GPC5: variants seen among roughly 807,000 people sequenced by gnomAD.
GPC5 encodes the protein glypican 5, also known as glypican-5.
In GPC5, 47 loss-of-function variants were observed where a neutral mutation model predicts 53.9. The observed-to-expected ratio is 0.87, with a 90% CI of 0.69 to 1.11. The LOEUF is 1.11. Among genes scored for constraint, GPC5 ranks in the 50% most tolerant of loss-of-function variants. The probability of loss-of-function intolerance (pLI) is 0.00; values close to 1 mark genes in which losing one functional copy is unlikely to be tolerated. For synonymous variants in GPC5, 286 were observed against 263.3 expected, an observed-to-expected ratio of 1.09 and a Z score of -0.84; for missense variants, 748 against 713.1, an observed-to-expected ratio of 1.05 and a Z score of -0.56.
chr13:91,796,297 A>T (rs2038045479), intron 5 of GPC5, among the ~76,000 whole-genome samples: 1 of 152,174 alleles, frequency 6.6e-6, no homozygotes, highest in Admixed American at 6.5e-5. Context: ...GCCTTGCTGG[A>T]TCAGAAGTGC....
intron 2 of GPC5, among the ~76,000 whole-genome samples, chr13:91,558,875 G>A (rs2031102977): frequency 6.6e-6 from 1 of 152,012 alleles, no homozygotes; most frequent in Admixed American, 6.6e-5. Context: ...CCTTTATTGA[G>A]TGCTTTGCCT....
At chr13:92,319,396 T>G (rs1402951813) in intron 7 of GPC5, among the ~76,000 whole-genome samples, 1 of 132,934 alleles carries the variant, frequency 7.5e-6, no homozygotes, top group African/African-American at 3.0e-5. Context: ...CCCATGATAA[T>G]GCATCTCTGA....
chr13:92,379,521 C>T (rs1238155125), intron 7 of GPC5, among the ~76,000 whole-genome samples: 2 of 151,068 alleles, frequency 1.3e-5, no homozygotes, highest in Non-Finnish European at 2.9e-5. Flanking sequence ...CATGTTAGTT[C>T]CTCTCTGTTT....
chr13:92,724,412 A>G (rs1198184828), intron 7 of GPC5, among the ~76,000 whole-genome samples: 1 of 151,644 alleles, frequency 6.6e-6, no homozygotes. Flanking sequence ...CATATTTTTA[A>G]TATTTTGAGA....
intron 4 of GPC5, among the ~76,000 whole-genome samples, chr13:91,738,926 G>A (rs1435113179): frequency 6.6e-6 from 1 of 150,740 alleles, no homozygotes; most frequent in East Asian, 1.9e-4. Flanking sequence ...ATCCTTTCTG[G>A]TGCTCTTGTT....
At chr13:92,076,109 T>C (rs1225183810) in intron 6 of GPC5, among the ~76,000 whole-genome samples, 5 of 150,908 alleles carry the variant, frequency 3.3e-5, no homozygotes, top group Non-Finnish European at 5.9e-5. Context: ...GGAGTCTCGC[T>C]CTGTGGCCCA....
chr13:92,053,996 C>A (rs2041052605), intron 6 of GPC5, among the ~76,000 whole-genome samples: 1 of 151,336 alleles, frequency 6.6e-6, no homozygotes, highest in South Asian at 2.1e-4. Flanking sequence ...CGCGCCACTG[C>A]ACTCCAGCCT....
At chr13:92,035,282 C>T (rs961401162) in intron 6 of GPC5, among the ~76,000 whole-genome samples, 3 of 151,898 alleles carry the variant, frequency 2.0e-5, no homozygotes, top group African/African-American at 7.3e-5. Flanking sequence ...ACACGGGGCA[C>T]GGGACGTTCA....
chr13:92,299,360 G>T (rs925671094), intron 7 of GPC5, among the ~76,000 whole-genome samples: 1 of 152,102 alleles, frequency 6.6e-6, no homozygotes, highest in Non-Finnish European at 1.5e-5. Context: ...GAAAGCCTTT[G>T]GTGGTTCATT....
chr13:92,000,259 T>C (rs2040542664), intron 6 of GPC5, among the ~76,000 whole-genome samples: 1 of 123,698 alleles, frequency 8.1e-6, no homozygotes, highest in South Asian at 2.5e-4. Flanking sequence ...ATGGTGTGCA[T>C]ATTTTTTTTA....
At chr13:92,189,333 A>G (rs974859082) in intron 7 of GPC5, among the ~76,000 whole-genome samples, 1 of 151,482 alleles carries the variant, frequency 6.6e-6, no homozygotes, top group Non-Finnish European at 1.5e-5. Flanking sequence ...ACCCAACTCT[A>G]GCCAACTCTA....
chr13:92,042,954 A>G (rs1443657855), intron 6 of GPC5, among the ~76,000 whole-genome samples: 1 of 152,228 alleles, frequency 6.6e-6, no homozygotes, highest in Non-Finnish European at 1.5e-5. Context: ...TCTAGAGTGG[A>G]AAATACAATA....
chr13:91,942,209 C>T (rs1403643530), intron 6 of GPC5, among the ~76,000 whole-genome samples: 2 of 151,884 alleles, frequency 1.3e-5, no homozygotes, highest in South Asian at 2.1e-4. Flanking sequence ...CTTTAAGGAT[C>T]CCATATTTAC....
intron 6 of GPC5, among the ~76,000 whole-genome samples, chr13:91,964,179 C>T (rs954304278): frequency 1.1e-4 from 17 of 152,154 alleles, no homozygotes; most frequent in African/African-American, 3.9e-4. Flanking sequence ...AGCTGCAGAC[C>T]TTCACAGTGA....
intron 2 of GPC5, among the ~76,000 whole-genome samples, chr13:91,508,033 T>C (rs892802889): frequency 1.3e-5 from 2 of 152,150 alleles, no homozygotes; most frequent in South Asian, 2.1e-4. Context: ...GAATGAGAGA[T>C]GTAGCAAAAA....
chr13:91,983,955 A>T (rs2040384213), intron 6 of GPC5, among the ~76,000 whole-genome samples: 2 of 152,234 alleles, frequency 1.3e-5, no homozygotes, highest in South Asian at 2.1e-4. Flanking sequence ...AACATTCAGT[A>T]GATTGCCAAT....
At chr13:92,719,528 T>A (rs1232628855) in intron 7 of GPC5, among the ~76,000 whole-genome samples, 1 of 152,190 alleles carries the variant, frequency 6.6e-6, no homozygotes, top group Non-Finnish European at 1.5e-5. Flanking sequence ...TTGTTATACA[T>A]CATAGCTTTT....
intron 6 of GPC5, among the ~76,000 whole-genome samples, chr13:91,920,495 C>A (rs986261139): frequency 2.6e-5 from 4 of 152,176 alleles, no homozygotes; most frequent in Non-Finnish European, 4.4e-5. Flanking sequence ...TAATGTCAAT[C>A]ATTTTCAGAA....
intron 2 of GPC5, among the ~76,000 whole-genome samples, chr13:91,585,769 T>A (rs2032541126): frequency 1.3e-5 from 2 of 152,296 alleles, no homozygotes; most frequent in African/African-American, 2.4e-5. Context: ...GCACATAGTT[T>A]GCAGTTGAGC....
Sources: allele counts gnomAD v4.1 joint callset (sites outside exome capture counted in the v4.1 genomes callset), GRCh38; gene constraint gnomAD v4.1.1; transcripts MANE v1.5; gene names NCBI Gene and HGNC (gene_info 2026-07-23, HGNC 2026-07-21).